LMNB2: variants seen among roughly 807,000 people sequenced by gnomAD.
The protein encoded by LMNB2 is lamin B2, also known as lamin-B2.
A neutral mutation model predicts 69.3 loss-of-function variants in LMNB2; 17 were observed. The observed-to-expected ratio is 0.25, with a 90% CI of 0.17 to 0.37. The LOEUF (loss-of-function observed/expected upper bound fraction) is 0.37. Among genes scored for constraint, LMNB2 ranks in the 10% least tolerant of loss-of-function variants. LMNB2 has a pLI of 1.00. For synonymous variants in LMNB2, 397 were observed against 389.3 expected, an observed-to-expected ratio of 1.02 and a Z score of -0.23; for missense variants, 789 against 883.6, an observed-to-expected ratio of 0.89 and a Z score of 1.36.
intron 2 of LMNB2, among the ~76,000 whole-genome samples, chr19:2,441,059 T>G (rs983092865): frequency 3.3e-5 from 5 of 152,250 alleles, no homozygotes; most frequent in Non-Finnish European, 5.9e-5. Flanking sequence ...TGCCCCAGGC[T>G]GGGATCCCAG....
chr19:2,438,342 C>A (rs1971852677), intron 3 of LMNB2, 33 bp downstream of exon 3: 1 of 1,613,504 alleles, frequency 6.2e-7, no homozygotes, highest in African/African-American at 1.3e-5. Context: ...TGCATATACC[C>A]TGCTGGGGCG....
At chr19:2,450,117 T>TAC (rs56178604) in intron 1 of LMNB2, among the ~76,000 whole-genome samples, 2,194 of 145,416 alleles carry the variant, frequency 0.015, 51 homozygotes, top group African/African-American at 0.055. Context: ...CATATATATA[T>TAC]ACACATATAT....
chr19:2,435,073 C>T lies in LMNB2; in HGVS notation c.783G>A (p.Glu261=), dbSNP rs1257328487. The T allele has an allele frequency of 6.2e-7, 1 of 1,610,706 alleles. No individual in the cohort carries two copies. The highest frequency in any genetic ancestry group is 8.5e-7 in the Non-Finnish European group (1 of 1,179,748). ...GCTCGTCGTGCTGGCTCCGCAGCTC[C>T]TCCAGCGCCTGTGCCATCTTGAAGT... ...EYDFKMAQAL[E]ELRSQHDEQV... is the part of the protein sequence containing the mutation. Residue 261 remains glutamate, a synonymous_variant, in exon 5 of 12, where the codon GAG becomes GAA. Transcript: ENST00000325327.
intron 2 of LMNB2, among the ~76,000 whole-genome samples, chr19:2,439,356 G>GCGTCAC (rs544597432): frequency 1.2e-3 from 189 of 151,902 alleles, no homozygotes; most frequent in African/African-American, 4.5e-3. Context: ...GGGTTCTGCA[G>GCGTCAC]CGTCACAACT....
chr19:2,440,603 T>C (rs998327301), intron 2 of LMNB2, among the ~76,000 whole-genome samples: 4 of 150,710 alleles, frequency 2.7e-5, no homozygotes, highest in Non-Finnish European at 5.9e-5. Flanking sequence ...TCTGTCCATC[T>C]ATCCATCCAC....
intron 1 of LMNB2, among the ~76,000 whole-genome samples, chr19:2,446,441 C>T (rs1203333272): frequency 1.3e-5 from 2 of 152,136 alleles, no homozygotes; most frequent in African/African-American, 2.4e-5. Flanking sequence ...GGGAAGGCGA[C>T]CTCTTCACTT....
chr19:2,448,328 G>A (rs1409887865), intron 1 of LMNB2, among the ~76,000 whole-genome samples: 2 of 152,166 alleles, frequency 1.3e-5, no homozygotes, highest in African/African-American at 4.8e-5. Context: ...TCAGGATGGG[G>A]GTCACACACG....
rs986991889 is a variant in LMNB2, at chr19:2,431,480, T to C, written c.1821+68A>G. 22 of 1,599,638 alleles carry C rather than the reference T, an allele frequency of 1.4e-5. No individual in the cohort carries two copies. In the African/African-American group the frequency reaches 2.5e-4, roughly 19 times the overall value. ...GGGATGCGGCCAGCACGCATGTGTA[T>C]GTGTGTGCACGAGCTCACTCTGCCC... is the stretch of plus-strand genomic sequence containing the variant. On this transcript the variant is annotated intron_variant, in intron 11 of 11. Transcript: ENST00000325327.
Position 2,453,095 on chromosome 19 carries a change from C to T in LMNB2, c.264+3575G>A, listed in dbSNP as rs1411425958. On this transcript the variant is annotated intron_variant, in intron 1 of 11. Coordinates refer to ENST00000325327, the MANE Select transcript of LMNB2 (RefSeq NM_032737.4). This position sits in a 1 kb window ranked among gnomAD's most constrained non-coding sequence, Gnocchi z 4.4. ...GGCTGGGTCATCCTCGTGAGGGCTG[C>T]GTCATCCTCGTGGGGGCCAGGTGAT... Among the ~76,000 whole-genome samples, 2 of 150,356 alleles carry T rather than the reference C, an allele frequency of 1.3e-5. No homozygotes were observed. The highest frequency in any genetic ancestry group is 2.5e-5 in the African/African-American group (1 of 40,644).
At chr19:2,451,753 T>C (rs114039076) in intron 1 of LMNB2, among the ~76,000 whole-genome samples, 2,951 of 151,984 alleles carry the variant, frequency 0.019, 114 homozygotes, top group African/African-American at 0.067. Flanking sequence ...CAGAGCAGCA[T>C]AACTCGGCTG....
chr19:2,431,488 C>T, intron 11 of LMNB2, 60 bp downstream of exon 11: 9 of 1,608,966 alleles, frequency 5.6e-6, no homozygotes, highest in Non-Finnish European at 7.7e-6. Context: ...TATGTGTGTG[C>T]ACGAGCTCAC....
Position 2,437,509 on chromosome 19 carries a change from GAT to G in LMNB2, c.684+652_684+653del, listed in dbSNP as rs777885389. ...AATAGACCTTCCTTGACACTGAAGA[GAT>G]ATGTTTTGGCTGGGCATGGTGACTC... On this transcript the variant is annotated intron_variant, in intron 4 of 11. Transcript: ENST00000325327. Among the ~76,000 whole-genome samples the G allele has an allele frequency of 3.3e-5, 5 of 152,344 alleles. No homozygotes were observed. The East Asian group carries it at 7.7e-4, about 24-fold the overall frequency.
chr19:2,452,812 AT>A (rs1972040276), intron 1 of LMNB2, among the ~76,000 whole-genome samples: 1 of 152,072 alleles, frequency 6.6e-6, no homozygotes. Flanking sequence ...GCCTGAAAAA[AT>A]CTGAACTGAG....
chr19:2,446,305 C>T (rs900048356), intron 1 of LMNB2, among the ~76,000 whole-genome samples: 2 of 151,750 alleles, frequency 1.3e-5, no homozygotes, highest in Non-Finnish European at 2.9e-5. Flanking sequence ...CCAGGGCAGG[C>T]AGAAGCGACT....
intron 1 of LMNB2, among the ~76,000 whole-genome samples, chr19:2,444,770 G>A (rs1363632386): frequency 1.3e-5 from 2 of 152,198 alleles, no homozygotes; most frequent in East Asian, 3.9e-4. Flanking sequence ...AGGCGACCCT[G>A]GGTCCCAGCC....
At chr19:2,451,727 G>GGACC (rs1312292486) in intron 1 of LMNB2, among the ~76,000 whole-genome samples, 1 of 152,050 alleles carries the variant, frequency 6.6e-6, no homozygotes. Flanking sequence ...CCTTTGCCTG[G>GGACC]GACCCCTCGG....
intron 4 of LMNB2, among the ~76,000 whole-genome samples, chr19:2,436,360 A>C (rs1971821133): frequency 6.7e-6 from 1 of 149,318 alleles, no homozygotes; most frequent in Non-Finnish European, 1.5e-5. Context: ...CAGTGTGGGC[A>C]ACAGAGCAAG....
chr19:2,444,922 T>A (rs1025239267), intron 1 of LMNB2, among the ~76,000 whole-genome samples: 1 of 152,142 alleles, frequency 6.6e-6, no homozygotes, highest in African/African-American at 2.4e-5. Context: ...ATGGAGCCTG[T>A]CCCCTTCCCC....
At chr19:2,436,546 C>T (rs1414625416) in intron 4 of LMNB2, among the ~76,000 whole-genome samples, 2 of 150,788 alleles carry the variant, frequency 1.3e-5, no homozygotes, top group Non-Finnish European at 3.0e-5. Context: ...GCCGCGCACC[C>T]GCCTGCACAG....
Sources: gnomAD v4.1 joint callset for allele counts (sites outside exome capture counted in the v4.1 genomes callset) on GRCh38, gnomAD v4.1.1 for gene constraint, Gnocchi (gnomAD v3.1) non-coding constraint, MANE v1.5 for transcripts, NCBI Gene and HGNC (gene_info 2026-07-23, HGNC 2026-07-21) for gene names.